Variants in PRUNE2 observed in about 807,000 individuals in gnomAD.
The protein encoded by PRUNE2 is protein prune homolog 2.
In PRUNE2, 164 loss-of-function variants were observed where a neutral mutation model predicts 252.0. That is an observed-to-expected ratio of 0.65 (90% CI 0.57 to 0.74). PRUNE2 has a LOEUF of 0.74. PRUNE2 is among the 30% of genes least tolerant of loss of function. PRUNE2 has a pLI of 0.00. For synonymous variants in PRUNE2, 1,292 were observed against 1,350.2 expected (o/e 0.96, Z 0.94); for missense variants, 3,495 against 3,711.0 (o/e 0.94, Z 1.51).
chr9:76,704,933 T>G lies in PRUNE2; in HGVS notation c.7341A>C (p.Lys2447Asn). The change falls in exon 8 of 19, where the codon AAA (lysine) becomes AAC (asparagine). Residue 2447 changes from lysine (K) to asparagine (N), a missense_variant. Physicochemically the swap from Lys to Asn is moderately conservative, Grantham distance 94. Coordinates refer to ENST00000376718, the MANE Select transcript of PRUNE2 (RefSeq NM_015225.3). ...CCAGCTGGGATCCAGGCAGTCTGTT[T>G]TTGGTCTCAGCCTGGTTTCCCTCAC... ...RRSEGNQAET[K>N]NRLPGSQLAV... The G allele has an allele frequency of 7.4e-6, 12 of 1,612,616 alleles. No homozygotes were observed. Among genetic ancestry groups the G allele is most frequent in the Non-Finnish European group, 1.0e-5 (12 of 1,179,228 alleles).
chr9:76,663,486 C>T (rs148434157), intron 9 of PRUNE2, among the ~76,000 whole-genome samples: 63 of 152,294 alleles, frequency 4.1e-4, no homozygotes, highest in South Asian at 1.0e-3. Flanking sequence ...GGGGACACGA[C>T]GCAGCCTCCT....
At chr9:76,866,703 A>AAGGAAAGGAAGGAGGAAGGG (rs2060858958) in intron 1 of PRUNE2, among the ~76,000 whole-genome samples, 1 of 150,370 alleles carries the variant, frequency 6.7e-6, no homozygotes, top group Non-Finnish European at 1.5e-5. Context: ...GGAAGAAAGA[A>AAGGAAAGGAAGGAGGAAGGG]AGGAAAGGAA....
intron 6 of PRUNE2, among the ~76,000 whole-genome samples, chr9:76,773,897 A>T (rs2053406182): frequency 6.6e-6 from 1 of 152,214 alleles, no homozygotes; most frequent in Non-Finnish European, 1.5e-5. Context: ...GTGGAAAGTA[A>T]TTGATGGAAT....
At position 76,707,294 on chromosome 9, in the gene PRUNE2, G is replaced by A. The variant is rs180808157; in HGVS notation, c.4980C>T (p.Ser1660=). Residue 1660 remains serine (S), a synonymous_variant, in exon 8 of 19, where the codon AGC becomes AGT. Coordinates refer to ENST00000376718, the MANE Select transcript of PRUNE2 (RefSeq NM_015225.3). ...TGTCATGTTCATTTTTCTCCTGGTA[G>A]CTAGCAATTAGATTGCTTTCCTGAT... ...GTHQESNLIA[S]YQEKNEHDIS... 461 of 1,613,872 alleles carry A rather than the reference G, an allele frequency of 2.9e-4. 1 individual carries two copies. In the African/African-American group the frequency reaches 5.6e-3, roughly 19 times the overall value.
At chr9:76,756,482 G>C (rs1022972541) in intron 6 of PRUNE2, among the ~76,000 whole-genome samples, 1 of 152,170 alleles carries the variant, frequency 6.6e-6, no homozygotes, top group Admixed American at 6.5e-5. Flanking sequence ...CATGGCTGTC[G>C]CAACTAGGAA....
intron 1 of PRUNE2, among the ~76,000 whole-genome samples, chr9:76,857,506 GC>G (rs1318454121): frequency 1.3e-5 from 2 of 152,132 alleles, no homozygotes; most frequent in African/African-American, 2.4e-5. Context: ...AAAGAGATAG[GC>G]TTGGCCTCAG....
intron 6 of PRUNE2, chr9:76,737,236 G>C (rs2049155651): frequency 6.6e-6 from 1 of 152,218 alleles, no homozygotes; most frequent in Admixed American, 6.5e-5. Context: ...CTGCCAGGTT[G>C]ATGAGTCAAG....
intron 9 of PRUNE2, among the ~76,000 whole-genome samples, chr9:76,664,110 A>C (rs1431811982): frequency 6.6e-6 from 1 of 152,228 alleles, no homozygotes; most frequent in African/African-American, 2.4e-5. Context: ...TTAAGTGTGG[A>C]CTGATGATTT....
rs772705023 is a variant in PRUNE2 at position 76,652,521 on chromosome 9, G to T, written c.8519C>A (p.Thr2840Asn). 3 of 1,613,222 alleles carry T rather than the reference G, an allele frequency of 1.9e-6. No individual in the cohort carries two copies. The highest frequency in any genetic ancestry group is 1.3e-5 in the African/African-American group (1 of 74,882). ...CTCAAAAGAATCTGCTTCATCGGGG[G>T]TATCAAGTTCATCCACATTGATGTC... ...EIDINVDELDTPDEADSFEYT... is the reference protein window; with the variant it reads ...EIDINVDELDNPDEADSFEYT... Residue 2840 changes from threonine (T) to asparagine (N), a missense_variant, in exon 11 of 19, where the codon ACC becomes AAC. Coordinates refer to ENST00000376718, the MANE Select transcript of PRUNE2 (RefSeq NM_015225.3).
rs1206087141 is a variant in PRUNE2, at chr9:76,823,644, G to A, written c.744C>T (p.Ser248=). The part of the protein sequence containing the change: ...GEIKVAISTV[S]MNLENCLFHS... Reference sequence around the variant, plus strand: ...TTCCCACCCTTACCTCAAGGTTCATGCTCACAGTACTAATGGCCACTTTTA... The same window carrying A: ...TTCCCACCCTTACCTCAAGGTTCATACTCACAGTACTAATGGCCACTTTTA... The change falls in exon 6 of 19, where the codon AGC becomes AGT. Residue 248 remains serine (S), a synonymous_variant. Coordinates refer to ENST00000376718, the MANE Select transcript of PRUNE2 (RefSeq NM_015225.3). 2 of 1,601,962 alleles carry A rather than the reference G, an allele frequency of 1.2e-6. No individual in the cohort carries two copies. The highest frequency in any genetic ancestry group is 1.3e-5 in the African/African-American group (1 of 74,624).
chr9:76,692,131 C>A, intron 9 of PRUNE2: 1 of 717,472 alleles, frequency 1.4e-6, no homozygotes, highest in Non-Finnish European at 2.6e-6. Flanking sequence ...ACGACTACAG[C>A]TCTTCAGCAT....
At chr9:76,792,585 C>T (rs2055661249) in intron 6 of PRUNE2, among the ~76,000 whole-genome samples, 1 of 152,124 alleles carries the variant, frequency 6.6e-6, no homozygotes, top group Admixed American at 6.5e-5. Flanking sequence ...TTCTCATCTG[C>T]ATTATTCAAA....
At position 76,760,208 on chromosome 9, in the gene PRUNE2, C is replaced by T. The variant is rs906063020; in HGVS notation, c.757-46487G>A. On this transcript the variant is annotated intron_variant, in intron 6 of 18. Transcript: ENST00000376718. ...TTGATGGTACTGCAACCTGAGCACC[C>T]GGCACACAGCAGGCACTCCGTATAT... is the stretch of plus-strand genomic sequence containing the variant. 3.9e-5 allele frequency among the ~76,000 whole-genome samples: 6 copies of T among 152,034 alleles called. No individual in the cohort carries two copies. The South Asian group carries it at 6.2e-4, about 16-fold the overall frequency.
intron 1 of PRUNE2, among the ~76,000 whole-genome samples, chr9:76,894,875 A>AC (rs1341194226): frequency 6.6e-6 from 1 of 152,118 alleles, no homozygotes; most frequent in East Asian, 1.9e-4. Flanking sequence ...CGCACACAAA[A>AC]ATTAGCTGGG....
At chr9:76,638,921 C>G (rs929523204) in intron 12 of PRUNE2, among the ~76,000 whole-genome samples, 13 of 152,290 alleles carry the variant, frequency 8.5e-5, no homozygotes, top group African/African-American at 3.1e-4. Context: ...AAGTTCTAGC[C>G]AGGCCTTGTT....
At chr9:76,661,309 C>A (rs952435994) in intron 9 of PRUNE2, among the ~76,000 whole-genome samples, 3 of 152,202 alleles carry the variant, frequency 2.0e-5, no homozygotes, top group Admixed American at 6.5e-5. Flanking sequence ...GTGGTGCAAT[C>A]TTGGCTCACT....
chr9:76,619,080 A>T (rs367730752), intron 18 of PRUNE2, among the ~76,000 whole-genome samples: 1 of 152,278 alleles, frequency 6.6e-6, no homozygotes, highest in South Asian at 2.1e-4. Context: ...TGGTCCTAAT[A>T]TTCATTTTCT....
intron 6 of PRUNE2, among the ~76,000 whole-genome samples, chr9:76,716,818 A>AC (rs2047191345): frequency 6.7e-6 from 1 of 149,060 alleles, no homozygotes; most frequent in Non-Finnish European, 1.5e-5. Context: ...TCGCCCCCCA[A>AC]CCCCCCAACA....
chr9:76,620,123 T>G (rs1398667336), intron 17 of PRUNE2, among the ~76,000 whole-genome samples: 1 of 148,288 alleles, frequency 6.7e-6, no homozygotes, highest in Non-Finnish European at 1.5e-5. Flanking sequence ...CACCTCAACT[T>G]TTATACCCCT....
Sources: allele counts gnomAD v4.1 joint callset (sites outside exome capture counted in the v4.1 genomes callset), GRCh38; gene constraint gnomAD v4.1.1; transcripts MANE v1.5; gene names NCBI Gene and HGNC (gene_info 2026-07-23, HGNC 2026-07-21).